STK3: variants seen among roughly 807,000 people sequenced by gnomAD.
STK3 encodes serine/threonine-protein kinase 3.
A neutral mutation model predicts 58.0 loss-of-function variants in STK3; 41 were observed. The ratio of observed to expected loss-of-function variants is 0.71; its 90% CI spans 0.55 to 0.92. The LOEUF (loss-of-function observed/expected upper bound fraction) is 0.92. Ranked by LOEUF, STK3 falls within the 40% of genes least tolerant of loss-of-function variation. The pLI, the probability that STK3 is intolerant of heterozygous loss-of-function variation, is 0.00. For synonymous variants in STK3, 170 were observed against 191.0 expected, an observed-to-expected ratio of 0.89 and a Z score of 0.91; for missense variants, 479 against 602.7, an observed-to-expected ratio of 0.79 and a Z score of 2.15.
At chr8:98,524,119 C>A (rs1225766203) in intron 10 of STK3, among the ~76,000 whole-genome samples, 2 of 152,166 alleles carry the variant, frequency 1.3e-5, no homozygotes, top group Non-Finnish European at 2.9e-5. Context: ...TCTTCTTTGC[C>A]CCCACTGAAT....
intron 3 of STK3, among the ~76,000 whole-genome samples, chr8:98,861,733 G>A (rs1836945819): frequency 6.6e-6 from 1 of 152,158 alleles, no homozygotes; most frequent in South Asian, 2.1e-4. Context: ...TGCAATTATA[G>A]TCCCTCCATC....
chr8:98,900,547 T>C (rs980554556), intron 1 of STK3, among the ~76,000 whole-genome samples: 2 of 152,228 alleles, frequency 1.3e-5, no homozygotes, highest in Non-Finnish European at 2.9e-5. Flanking sequence ...ATATTTACAG[T>C]ATACAACTTG....
intron 3 of STK3, among the ~76,000 whole-genome samples, chr8:98,838,074 CAAAAAAAAA>C (rs58973724): frequency 3.4e-5 from 2 of 58,774 alleles, no homozygotes; most frequent in African/African-American, 6.2e-5. Flanking sequence ...ACTAAAAATA[CAAAAAAAAA>C]AAAAAAAAAA....
At chr8:98,734,786 T>C (rs1455136626) in intron 4 of STK3, among the ~76,000 whole-genome samples, 1 of 151,868 alleles carries the variant, frequency 6.6e-6, no homozygotes, top group Non-Finnish European at 1.5e-5. Context: ...ACCACAAATA[T>C]ACTAAAGTTT....
chr8:98,678,613 A>C (rs1239778781), intron 6 of STK3, among the ~76,000 whole-genome samples: 1 of 152,172 alleles, frequency 6.6e-6, no homozygotes, highest in Non-Finnish European at 1.5e-5. Flanking sequence ...TCAAAAACTT[A>C]AGGATATGGG....
At chr8:98,771,866 G>A (rs1831335178) in intron 2 of STK3, among the ~76,000 whole-genome samples, 1 of 152,138 alleles carries the variant, frequency 6.6e-6, no homozygotes, top group African/African-American at 2.4e-5. Context: ...GGATTACAGC[G>A]TGTAAGCCAC....
Position 98,758,276 on chromosome 8 carries a change from G to A in STK3, c.237-8886C>T, listed in dbSNP as rs1319798011. Among the ~76,000 whole-genome samples the A allele has an allele frequency of 2.6e-5, 4 of 152,330 alleles. No homozygotes were observed. The South Asian group carries it at 8.3e-4, about 32-fold the overall frequency. ...ACTATTGCAAGAAAGCTGAGGAAGAGAGACTCCTCCCTAACTCATTCTACG... is the reference window on the plus strand; with the variant it reads ...ACTATTGCAAGAAAGCTGAGGAAGAAAGACTCCTCCCTAACTCATTCTACG... On this transcript the variant is annotated intron_variant, in intron 3 of 10. Transcript: ENST00000419617.
intron 3 of STK3, among the ~76,000 whole-genome samples, chr8:98,765,249 C>A (rs958900076): frequency 9.2e-5 from 14 of 152,288 alleles, no homozygotes; most frequent in African/African-American, 3.1e-4. Context: ...ATTGTGGGAA[C>A]CACAGTTGAG....
chr8:98,555,144 A>G (rs970589393), intron 8 of STK3, among the ~76,000 whole-genome samples: 3 of 152,112 alleles, frequency 2.0e-5, no homozygotes, highest in Non-Finnish European at 4.4e-5. Flanking sequence ...ATATTTGAAA[A>G]CATTATTAGG....
intron 3 of STK3, among the ~76,000 whole-genome samples, chr8:98,858,353 G>C (rs931832313): frequency 2.2e-5 from 3 of 137,208 alleles, no homozygotes; most frequent in African/African-American, 5.4e-5. Context: ...GAGAGAGAGA[G>C]AGAGAGACAG....
chr8:98,393,037 G>C (rs1817863184), upstream of STK3, among the ~76,000 whole-genome samples: 2 of 152,268 alleles, frequency 1.3e-5, no homozygotes, highest in South Asian at 4.1e-4. Context: ...CTCTGAGGGG[G>C]AGTCCACCCA....
intron 3 of STK3, among the ~76,000 whole-genome samples, chr8:98,402,189 T>C (rs965775258): frequency 1.3e-5 from 2 of 152,174 alleles, no homozygotes; most frequent in African/African-American, 4.8e-5. Context: ...CATTATCTTC[T>C]TTTTCCTAAG....
chr8:98,861,753 A>C (rs553334668), intron 3 of STK3, among the ~76,000 whole-genome samples: 30 of 152,322 alleles, frequency 2.0e-4, no homozygotes, highest in African/African-American at 6.5e-4. Flanking sequence ...CTTTATAACA[A>C]GGCAAGAGAT....
intron 9 of STK3, among the ~76,000 whole-genome samples, chr8:98,539,350 T>C (rs1376986732): frequency 6.6e-6 from 1 of 152,138 alleles, no homozygotes; most frequent in African/African-American, 2.4e-5. Context: ...GAATACGGCA[T>C]GGAAGTAGAT....
intron 10 of STK3, among the ~76,000 whole-genome samples, chr8:98,469,455 T>G (rs1239878275): frequency 6.6e-6 from 1 of 152,210 alleles, no homozygotes; most frequent in Non-Finnish European, 1.5e-5. Context: ...GCAGCAAGGC[T>G]TTGGTTTTAT....
chr8:98,402,016 T>G (rs1440401317), intron 3 of STK3, among the ~76,000 whole-genome samples: 1 of 152,212 alleles, frequency 6.6e-6, no homozygotes, highest in Non-Finnish European at 1.5e-5. Context: ...CTATTAATGT[T>G]TGGTAAACAT....
intron 6 of STK3, among the ~76,000 whole-genome samples, chr8:98,646,838 AC>A (rs1158091169): frequency 1.3e-5 from 2 of 152,082 alleles, no homozygotes; most frequent in Non-Finnish European, 2.9e-5. Context: ...ACTGTTACCA[AC>A]CTAACACATG....
At chr8:98,823,311 G>T (rs1342345142) in intron 1 of STK3, among the ~76,000 whole-genome samples, 1 of 152,156 alleles carries the variant, frequency 6.6e-6, no homozygotes, top group Non-Finnish European at 1.5e-5. Flanking sequence ...CAGCACTAAG[G>T]AAGTGTTATT....
intron 6 of STK3, among the ~76,000 whole-genome samples, chr8:98,681,175 T>A (rs1364048511): frequency 6.6e-6 from 1 of 152,004 alleles, no homozygotes; most frequent in Non-Finnish European, 1.5e-5. Flanking sequence ...ATTTTTGTAT[T>A]TTTAGTGGAG....
Sources: allele counts gnomAD v4.1 joint callset (sites outside exome capture counted in the v4.1 genomes callset), GRCh38; gene constraint gnomAD v4.1.1; transcripts MANE v1.5; gene names NCBI Gene and HGNC (gene_info 2026-07-23, HGNC 2026-07-21).